The following SORCS2 variants were observed in gnomAD, a reference collection of about 807,000 sequenced individuals.
SORCS2 encodes sortilin related VPS10 domain containing receptor 2, also known as VPS10 domain-containing receptor SorCS2.
SORCS2 carries 100 observed loss-of-function variants against 141.6 expected under a neutral mutation model. The ratio of observed to expected loss-of-function variants is 0.71; its 90% CI spans 0.60 to 0.83. The LOEUF (loss-of-function observed/expected upper bound fraction) is 0.83. Among genes scored for constraint, SORCS2 ranks in the 40% least tolerant of loss-of-function variants. The probability of loss-of-function intolerance (pLI) is 0.00; values close to 1 mark genes in which losing one functional copy is unlikely to be tolerated. For missense variants in SORCS2, 1,646 were observed against 1,560.2 expected, an observed-to-expected ratio of 1.05 and a Z score of -0.93; for synonymous variants, 789 against 676.9, an observed-to-expected ratio of 1.17 and a Z score of -2.57.
chr4:7,477,575 C>G (rs1350301215), intron 2 of SORCS2, among the ~76,000 whole-genome samples: 1 of 152,164 alleles, frequency 6.6e-6, no homozygotes, highest in Non-Finnish European at 1.5e-5. Context: ...CTCTGCAAAG[C>G]CGGGGTCTGA....
At chr4:7,566,983 T>C (rs1251401417) in intron 3 of SORCS2, among the ~76,000 whole-genome samples, 1 of 152,272 alleles carries the variant, frequency 6.6e-6, no homozygotes, top group Non-Finnish European at 1.5e-5. Flanking sequence ...GAGTATTGGG[T>C]GAGTGCTCTC....
chr4:7,374,702 C>G (rs1255063254), intron 1 of SORCS2, among the ~76,000 whole-genome samples: 1 of 152,184 alleles, frequency 6.6e-6, no homozygotes, highest in Non-Finnish European at 1.5e-5. Flanking sequence ...TTTGCAGGAA[C>G]TAGTCAGAGG....
At chr4:7,200,768 A>G (rs1727442088) in intron 1 of SORCS2, among the ~76,000 whole-genome samples, 1 of 152,088 alleles carries the variant, frequency 6.6e-6, no homozygotes, top group Admixed American at 6.5e-5. Context: ...CTCATTTATC[A>G]AATGAGGATC....
intron 1 of SORCS2, among the ~76,000 whole-genome samples, chr4:7,259,285 A>G (rs559483058): frequency 6.6e-6 from 1 of 152,314 alleles, no homozygotes; most frequent in South Asian, 2.1e-4. Flanking sequence ...TCCTCATTTT[A>G]CAGACGTGGA....
intron 1 of SORCS2, among the ~76,000 whole-genome samples, chr4:7,280,869 C>A (rs981219326): frequency 6.6e-6 from 1 of 152,188 alleles, no homozygotes; most frequent in African/African-American, 2.4e-5. Flanking sequence ...GCACCTGGTA[C>A]CCGGTGAGGG....
At position 7,304,577 on chromosome 4, in the gene SORCS2, G is replaced by A. The variant is rs552867360; in HGVS notation, c.481-91711G>A. ...TGTGAGAGCCAGGTAGCGTTCATGA[G>A]CCTCATCAGTGCTCAGTAAACCTGT... On this transcript the variant is annotated intron_variant, in intron 1 of 26. Coordinates refer to ENST00000507866, the MANE Select transcript of SORCS2 (RefSeq NM_020777.3). 9.8e-5 allele frequency among the ~76,000 whole-genome samples: 15 copies of A among 152,344 alleles called. No individual in the cohort carries two copies. The South Asian group carries it at 2.5e-3, about 25-fold the overall frequency.
intron 3 of SORCS2, among the ~76,000 whole-genome samples, chr4:7,540,372 C>CCTT (rs931522762): frequency 1.3e-5 from 2 of 152,178 alleles, no homozygotes; most frequent in Admixed American, 1.3e-4. Flanking sequence ...AGGACCCCAG[C>CCTT]CTTCTTCTGT....
chr4:7,395,385 G>A (rs1724144556), intron 1 of SORCS2, among the ~76,000 whole-genome samples: 1 of 152,200 alleles, frequency 6.6e-6, no homozygotes, highest in African/African-American at 2.4e-5. Flanking sequence ...ACCTCCCGGG[G>A]GCTACCCTAG....
intron 2 of SORCS2, among the ~76,000 whole-genome samples, chr4:7,454,360 G>T (rs1728716718): frequency 6.0e-5 from 8 of 134,000 alleles, no homozygotes; most frequent in African/African-American, 8.6e-5. Flanking sequence ...CTGTGTTGGG[G>T]TCAGGAGCTG....
intron 3 of SORCS2, among the ~76,000 whole-genome samples, chr4:7,543,472 C>T (rs1460125128): frequency 7.3e-6 from 1 of 136,824 alleles, no homozygotes; most frequent in Admixed American, 7.5e-5. Flanking sequence ...TCCACCCACC[C>T]ATCCATTCAC....
intron 3 of SORCS2, among the ~76,000 whole-genome samples, chr4:7,596,661 C>T (rs377515414): frequency 1.3e-5 from 2 of 152,174 alleles, no homozygotes; most frequent in East Asian, 1.9e-4. Context: ...CTTTGGAAAT[C>T]GGTCAAGAGC....
intron 3 of SORCS2, among the ~76,000 whole-genome samples, chr4:7,532,471 C>A (rs1711743980): frequency 6.6e-6 from 1 of 152,242 alleles, no homozygotes. Context: ...GTGCTCAGCT[C>A]TAATGGTGAC....
At chr4:7,721,602 G>A (rs984033765) in intron 18 of SORCS2, among the ~76,000 whole-genome samples, 1 of 152,184 alleles carries the variant, frequency 6.6e-6, no homozygotes, top group Non-Finnish European at 1.5e-5. Context: ...CAGAAATGGA[G>A]AAAGAGAATA....
At chr4:7,548,730 C>G (rs1365879469) in intron 3 of SORCS2, among the ~76,000 whole-genome samples, 2 of 152,082 alleles carry the variant, frequency 1.3e-5, no homozygotes, top group East Asian at 1.9e-4. Context: ...AATGGTCACA[C>G]CCAGTGGGCT....
chr4:7,273,112 A>C (rs1021193827), intron 1 of SORCS2, among the ~76,000 whole-genome samples: 2 of 152,240 alleles, frequency 1.3e-5, no homozygotes, highest in African/African-American at 4.8e-5. Context: ...AAGGACTTCT[A>C]GTTTTCAACA....
chr4:7,710,822 G>C (rs1020346420), intron 14 of SORCS2, among the ~76,000 whole-genome samples: 2 of 152,258 alleles, frequency 1.3e-5, no homozygotes, highest in Non-Finnish European at 2.9e-5. Context: ...CCCTGTCCTT[G>C]GTGGGTGTTG....
In SORCS2 at chr4:7,620,019, TTCCTCCTCCTCCTCCTTCCTCC is replaced by T. The variant is rs778970984; in HGVS notation, c.649-18298_649-18277del. Among the ~76,000 whole-genome samples the T allele has an allele frequency of 7.8e-3, 20 of 2,548 alleles. No individual in the cohort carries two copies. In the Non-Finnish European group the frequency reaches 0.092, roughly 12 times the overall value. 1.7% of individuals were successfully genotyped at this position (2,548 alleles called of 152,430 possible). A position where few individuals can be genotyped will look rare whatever the true frequency, so the allele number is the denominator to read the frequency against. On this transcript the variant is annotated intron_variant, in intron 3 of 26. Coordinates refer to ENST00000507866, the MANE Select transcript of SORCS2 (RefSeq NM_020777.3). ...CACCTCTTTTTTCTCCTCCTCCTCCTTCCTCCTCCTCCTCCTTCCTCCTCCTCCTCCTTCCTCTTCCTCCTCT... is the reference window on the plus strand; with the variant it reads ...CACCTCTTTTTTCTCCTCCTCCTCCTTCCTCCTCCTTCCTCTTCCTCCTCT...
At chr4:7,248,868 G>A (rs1261614337) in intron 1 of SORCS2, among the ~76,000 whole-genome samples, 1 of 152,216 alleles carries the variant, frequency 6.6e-6, no homozygotes, top group Non-Finnish European at 1.5e-5. Context: ...ATAGCTCAGG[G>A]GGTGGGAACC....
chr4:7,194,663 C>T (rs2108846759), intron 1 of SORCS2, among the ~76,000 whole-genome samples: 1 of 152,016 alleles, frequency 6.6e-6, no homozygotes, highest in Admixed American at 6.5e-5. Flanking sequence ...GTGCCACCTC[C>T]CTAGAAGAGC....
Sources: allele counts gnomAD v4.1 joint callset (sites outside exome capture counted in the v4.1 genomes callset), GRCh38; gene constraint gnomAD v4.1.1; transcripts MANE v1.5; gene names NCBI Gene and HGNC (gene_info 2026-07-23, HGNC 2026-07-21).